AP1B1: variants seen among roughly 807,000 people sequenced by gnomAD.
The protein encoded by AP1B1 is AP-1 complex subunit beta-1.
In AP1B1, 36 loss-of-function variants were observed where a neutral mutation model predicts 104.3. The observed-to-expected ratio is 0.35, with a 90% CI of 0.26 to 0.46. The LOEUF is 0.46. Ranked by LOEUF, AP1B1 falls within the 20% of genes least tolerant of loss-of-function variation. AP1B1 has a pLI of 1.00. For synonymous variants in AP1B1, 504 were observed against 517.5 expected, an observed-to-expected ratio of 0.97 and a Z score of 0.35; for missense variants, 901 against 1,247.9, an observed-to-expected ratio of 0.72 and a Z score of 4.19.
chr22:29,358,662 G>A lies in AP1B1; in HGVS notation c.525+64C>T. ...TCAGGACTGCCTGGTGAAGAGTCAAGCCAATGTCTTCCCAAGCAACCCAGG... is the reference window on the plus strand; with the variant it reads ...TCAGGACTGCCTGGTGAAGAGTCAAACCAATGTCTTCCCAAGCAACCCAGG... On this transcript the variant is annotated intron_variant, in intron 5 of 22. Coordinates refer to ENST00000357586, the MANE Select transcript of AP1B1 (RefSeq NM_001127.4). The A allele has an allele frequency of 3.8e-6, 6 of 1,565,802 alleles. No individual in the cohort carries two copies. In the South Asian group the frequency reaches 6.0e-5, roughly 16 times the overall value.
At chr22:29,383,971 C>T (rs2062480219) in intron 1 of AP1B1, among the ~76,000 whole-genome samples, 1 of 152,108 alleles carries the variant, frequency 6.6e-6, no homozygotes, top group African/African-American at 2.4e-5. Flanking sequence ...AGAACCATAG[C>T]CAAGTCCTTC....
chr22:29,370,906 C>T (rs174770), intron 1 of AP1B1, among the ~76,000 whole-genome samples: 93,007 of 151,934 alleles, frequency 0.61, 29,524 homozygotes, highest in African/African-American at 0.78. Context: ...AGCTTTTTTC[C>T]GCAGTATCTG....
chr22:29,354,131 C>G (rs1184850565), intron 7 of AP1B1, among the ~76,000 whole-genome samples: 3 of 152,214 alleles, frequency 2.0e-5, no homozygotes, highest in Non-Finnish European at 2.9e-5. Flanking sequence ...ACCTCTCCCC[C>G]AGACCTCAAG....
chr22:29,349,999 G>A, intron 10 of AP1B1, 36 bp downstream of exon 10: 1 of 1,539,346 alleles, frequency 6.5e-7, no homozygotes. Flanking sequence ...CCCAGGCAGA[G>A]CTAGATGCCC....
chr22:29,348,614 T>C (rs2061827014), intron 11 of AP1B1, among the ~76,000 whole-genome samples: 1 of 152,200 alleles, frequency 6.6e-6, no homozygotes, highest in South Asian at 2.1e-4. Context: ...ACAAAAACGT[T>C]GGGTCTAGAT....
intron 6 of AP1B1, 63 bp from the exon 7 acceptor site, chr22:29,354,934 T>C (rs1326371512): frequency 1.4e-5 from 21 of 1,466,220 alleles, no homozygotes; most frequent in Non-Finnish European, 1.9e-5. Context: ...CTGTTTTTAG[T>C]TACCAAAATA....
intron 14 of AP1B1, among the ~76,000 whole-genome samples, chr22:29,340,063 G>A (rs993064093): frequency 3.9e-5 from 6 of 152,094 alleles, no homozygotes; most frequent in Middle Eastern, 3.4e-3. Flanking sequence ...GCCACCGTGC[G>A]GACCTGAGCC....
At chr22:29,364,689 C>T (rs774575236) in intron 2 of AP1B1, among the ~76,000 whole-genome samples, 1 of 151,592 alleles carries the variant, frequency 6.6e-6, no homozygotes, top group Non-Finnish European at 1.5e-5. Context: ...ACTGGGATTA[C>T]AGGCATGAGC....
At chr22:29,336,068 C>G (rs1338447436) in intron 16 of AP1B1, among the ~76,000 whole-genome samples, 1 of 152,190 alleles carries the variant, frequency 6.6e-6, no homozygotes, top group Non-Finnish European at 1.5e-5. Flanking sequence ...TCACACAGGT[C>G]CCAACAGAAC....
At chr22:29,329,849 A>G in intron 21 of AP1B1, 129 bp from the exon 22 acceptor site, 1 of 1,522,508 alleles carries the variant, frequency 6.6e-7, no homozygotes, top group Non-Finnish European at 8.8e-7. Flanking sequence ...CAGGAGGGGC[A>G]GTGTCTGGAG....
chr22:29,347,452 A>G (rs896005011), intron 11 of AP1B1, among the ~76,000 whole-genome samples: 21 of 152,174 alleles, frequency 1.4e-4, no homozygotes, highest in Admixed American at 1.2e-3. Flanking sequence ...TAAAGGGATA[A>G]GCATAAAGTT....
chr22:29,356,313 G>A, intron 6 of AP1B1, 113 bp downstream of exon 6: 3 of 1,139,828 alleles, frequency 2.6e-6, no homozygotes, highest in Non-Finnish European at 3.6e-6. Flanking sequence ...GGTGGGTTAT[G>A]GGGCAAAGCA....
In AP1B1 at chr22:29,367,288, G is replaced by C. The variant is rs1569163567; in HGVS notation, c.-27-18C>G. The C allele has an allele frequency of 7.2e-7, 1 of 1,387,648 alleles. No homozygotes were observed. The highest frequency in any genetic ancestry group is 1.0e-6 in the Non-Finnish European group (1 of 980,676). The allele number at this position is 1,387,648 out of a possible 1,614,324, so 86.0% of individuals were successfully genotyped here. ...CCAGGCTTCTGCAAGAGAGAGAAGA[G>C]AGGGGTGACTTTCAGTTATGCTCCA... On this transcript the variant is annotated intron_variant, in intron 1 of 22. Transcript: ENST00000357586.
Position 29,341,495 on chromosome 22 carries a change from A to C in AP1B1, c.1796+6T>G. The C allele has an allele frequency of 6.2e-7, 1 of 1,609,654 alleles. No homozygotes were observed. Among genetic ancestry groups the C allele is most frequent in the Non-Finnish European group, 8.5e-7 (1 of 1,176,702 alleles). On this transcript the variant is annotated splice_donor_region_variant and intron_variant, in intron 13 of 22. Coordinates refer to ENST00000357586, the MANE Select transcript of AP1B1 (RefSeq NM_001127.4). The stretch of plus-strand genomic sequence containing the variant: ...AGGCGCAGGCCGACTGGCCAGTCTC[A>C]CTCACGAGGCCGTGCGAGGTGGCAG...
chr22:29,386,902 C>T (rs1429189761), intron 1 of AP1B1, among the ~76,000 whole-genome samples: 4 of 152,200 alleles, frequency 2.6e-5, no homozygotes, highest in Non-Finnish European at 5.9e-5. Flanking sequence ...CCAAGTAAGA[C>T]GTGCTCTGCT....
chr22:29,381,831 C>T (rs1271971457), intron 1 of AP1B1, among the ~76,000 whole-genome samples: 1 of 151,756 alleles, frequency 6.6e-6, no homozygotes, highest in Non-Finnish European at 1.5e-5. Context: ...CAGGTCCTTG[C>T]CTCCAGGCCC....
At chr22:29,371,426 G>A (rs1380875641) in intron 1 of AP1B1, among the ~76,000 whole-genome samples, 10 of 152,166 alleles carry the variant, frequency 6.6e-5, no homozygotes, top group African/African-American at 4.8e-5. Context: ...TCGGGTACAC[G>A]AATCATATTT....
intron 17 of AP1B1, among the ~76,000 whole-genome samples, chr22:29,334,025 G>A (rs1349106596): frequency 1.3e-5 from 2 of 152,180 alleles, no homozygotes; most frequent in Non-Finnish European, 2.9e-5. Flanking sequence ...AGATGGCGCT[G>A]CTGCACTCCA....
chr22:29,374,521 A>G (rs1302408880), intron 1 of AP1B1, among the ~76,000 whole-genome samples: 1 of 151,804 alleles, frequency 6.6e-6, no homozygotes, highest in Non-Finnish European at 1.5e-5. Flanking sequence ...GTGAATTAAT[A>G]TAATGGTTCA....
Sources: allele counts gnomAD v4.1 joint callset (sites outside exome capture counted in the v4.1 genomes callset), GRCh38; gene constraint gnomAD v4.1.1; transcripts MANE v1.5; gene names NCBI Gene and HGNC (gene_info 2026-07-23, HGNC 2026-07-21).